The following CNOT1 variants were observed in gnomAD, a reference collection of about 807,000 sequenced individuals.
CNOT1 encodes the protein CCR4-NOT transcription complex subunit 1.
In CNOT1, 15 loss-of-function variants were observed where a neutral mutation model predicts 273.8. The ratio of observed to expected loss-of-function variants is 0.05; its 90% CI spans 0.04 to 0.08. The LOEUF (loss-of-function observed/expected upper bound fraction) is 0.08, where lower values mean the gene tolerates loss of function less well. Among genes scored for constraint, CNOT1 ranks in the 10% least tolerant of loss-of-function variants. The probability of loss-of-function intolerance (pLI) is 1.00; values close to 1 mark genes in which losing one functional copy is unlikely to be tolerated. For synonymous variants in CNOT1, 1,022 were observed against 1,005.5 expected (o/e 1.02, Z -0.31); for missense variants, 1,644 against 2,912.2 (o/e 0.56, Z 10.02).
In CNOT1 at chr16:58,545,483, T is replaced by G. The variant is rs185370562; in HGVS notation, c.4015A>C (p.Thr1339Pro). 6.2e-7 allele frequency: 1 copy of G among 1,613,878 alleles called. No homozygotes were observed. Among genetic ancestry groups the G allele is most frequent in the South Asian group, 1.1e-5 (1 of 91,026 alleles). ...CAAGTGGTGTTGGTAGCTGGTGTAG[T>G]AGAAGTTGCTAAATGTCAAGTAATA... Reference protein sequence around the residue: ...LPPITTTTTSTTPATNTTCTA... With the variant: ...LPPITTTTTSPTPATNTTCTA... Residue 1339 changes from threonine to proline, a missense_variant, in exon 30 of 49, where the codon ACT (threonine) becomes CCT (proline). By Grantham distance (38) the Thr-to-Pro change is conservative. Around this residue, in one of 13 missense-constraint regions of CNOT1, gnomAD observed 52 missense variants for 50.2 expected, o/e 1.04. Transcript: ENST00000317147.
Position 58,532,350 on chromosome 16 carries a change from GAAC to G in CNOT1, c.5938_5940del (p.Val1980del). On this transcript the variant is annotated inframe_deletion, in exon 41 of 49. Transcript: ENST00000317147. ...GGAAGTTGCTGAAATTCACTCTGAC[GAAC>G]ATCATGATCCTGAAGGAGAACTCCC... 1 of 1,614,094 alleles carries G rather than the reference GAAC, an allele frequency of 6.2e-7. No homozygotes were observed. The highest frequency in any genetic ancestry group is 8.5e-7 in the Non-Finnish European group (1 of 1,180,030).
chr16:58,547,254 C>G lies in CNOT1; in HGVS notation c.3682G>C (p.Gly1228Arg). 1 of 1,613,840 alleles carries G rather than the reference C, an allele frequency of 6.2e-7. No homozygotes were observed. The highest frequency in any genetic ancestry group is 8.5e-7 in the Non-Finnish European group (1 of 1,179,848). ...KSLLLEAYVK[G>R]QQELLYVVPF... is the part of the protein sequence containing the mutation. ...ACTACATAGAGCAATTCTTGTTGTC[C>G]TTTAACATAAGCCTCTAGCAGCAAT... Residue 1228 changes from glycine (G) to arginine (R), a missense_variant, in exon 27 of 49, where the codon GGA becomes CGA. Around this residue, in one of 13 missense-constraint regions of CNOT1, gnomAD observed 124 missense variants for 289.3 expected, o/e 0.43. Coordinates refer to ENST00000317147, the MANE Select transcript of CNOT1 (RefSeq NM_016284.5). This position sits in a 1 kb window ranked among gnomAD's most constrained non-coding sequence, Gnocchi z 4.0.
chr16:58,578,682 AC>A lies in CNOT1; in HGVS notation c.1584+16del. 2 of 1,610,866 alleles carry A rather than the reference AC, an allele frequency of 1.2e-6. No individual in the cohort carries two copies. The highest frequency in any genetic ancestry group is 1.7e-6 in the Non-Finnish European group (2 of 1,177,392). On this transcript the variant is annotated intron_variant, in intron 13 of 48. Coordinates refer to ENST00000317147, the MANE Select transcript of CNOT1 (RefSeq NM_016284.5). ...TTATTCAGATGAAAAAATGGTAAGC[AC>A]ACGGTCACATCTTACCTGCCCATGC...
chr16:58,578,555 A>G, intron 13 of CNOT1, 144 bp downstream of exon 13: 1 of 1,353,826 alleles, frequency 7.4e-7, no homozygotes. Flanking sequence ...CTAAAAGATA[A>G]AACAAGTTTT....
intron 21 of CNOT1, among the ~76,000 whole-genome samples, chr16:58,554,084 C>T (rs1033250178): frequency 6.6e-6 from 1 of 151,914 alleles, no homozygotes; most frequent in African/African-American, 2.4e-5. Flanking sequence ...TTTTTAAAGG[C>T]TATATTTTAC....
intron 1 of CNOT1, among the ~76,000 whole-genome samples, chr16:58,621,242 C>T (rs569716086): frequency 7.9e-5 from 12 of 151,960 alleles, no homozygotes; most frequent in Non-Finnish European, 1.0e-4. Flanking sequence ...GGATTGCAGG[C>T]GTGAGCCACT....
In CNOT1 at chr16:58,581,473, G is replaced by A. The variant is rs2041655310; in HGVS notation, c.1087C>T (p.His363Tyr). 6.2e-7 allele frequency: 1 copy of A among 1,613,172 alleles called. No homozygotes were observed. The highest frequency in any genetic ancestry group is 1.3e-5 in the African/African-American group (1 of 74,844). ...NFKEVTYELD[H>Y]PGFQIRDSKG... Reference sequence around the variant, plus strand: ...CTGTCACGAATTTGAAATCCAGGATGGTCCAGTTCATAAGTTACTTCCTTG... The same window carrying A: ...CTGTCACGAATTTGAAATCCAGGATAGTCCAGTTCATAAGTTACTTCCTTG... The change falls in exon 11 of 49, where the codon CAT (histidine) becomes TAT (tyrosine). Residue 363 changes from histidine (H) to tyrosine (Y), a missense_variant. Physicochemically the swap from His to Tyr is moderately conservative, Grantham distance 83 (BLOSUM62 2). Around this residue, in one of 13 missense-constraint regions of CNOT1, gnomAD observed 706 missense variants for 1,021.2 expected, o/e 0.69. Coordinates refer to ENST00000317147, the MANE Select transcript of CNOT1 (RefSeq NM_016284.5).
rs1410449970 is a variant in CNOT1, at chr16:58,558,517, G to A, written c.2288C>T (p.Thr763Ile). The change falls in exon 18 of 49, where the codon ACC becomes ATC. Residue 763 changes from threonine (T) to isoleucine (I), a missense_variant. Transcript: ENST00000317147. ...TCCTCCAATACCACTGAATGCAGTG[G>A]TCTGATTGGGGGTTGAAAGGGGTGG... The part of the protein sequence containing the change: ...AFPPLSTPNQ[T>I]TAFSGIGGLS... 2.5e-6 allele frequency: 4 copies of A among 1,613,804 alleles called. No homozygotes were observed. The Admixed American group carries it at 5.0e-5, about 20-fold the overall frequency.
chr16:58,600,065 G>C (rs1014388694), intron 1 of CNOT1, among the ~76,000 whole-genome samples: 40 of 151,664 alleles, frequency 2.6e-4, no homozygotes, highest in African/African-American at 9.0e-4. Context: ...CTCCAACTTG[G>C]GGGAAAAAAA....
intron 16 of CNOT1, among the ~76,000 whole-genome samples, chr16:58,568,111 G>A (rs759009264): frequency 6.6e-6 from 1 of 152,188 alleles, no homozygotes; most frequent in African/African-American, 2.4e-5. Context: ...GGTGGCTCAC[G>A]CCTGTAATCT....
At chr16:58,627,732 G>A (rs186420265) in intron 1 of CNOT1, among the ~76,000 whole-genome samples, 132 of 152,178 alleles carry the variant, frequency 8.7e-4, no homozygotes, top group African/African-American at 2.9e-3. Context: ...CTTTTCCACC[G>A]TAATGCCACA....
In CNOT1 at chr16:58,539,916, C is replaced by T. The variant is rs2060029090; in HGVS notation, c.4844G>A (p.Cys1615Tyr). Residue 1615 changes from cysteine (C) to tyrosine (Y), a missense_variant, in exon 35 of 49, where the codon TGT becomes TAT. Around this residue, in one of 13 missense-constraint regions of CNOT1, gnomAD observed 170 missense variants for 273.1 expected, o/e 0.62. Coordinates refer to ENST00000317147, the MANE Select transcript of CNOT1 (RefSeq NM_016284.5). ...TDDVAQIYDKCITELEQHLHA... is the reference protein window; with the variant it reads ...TDDVAQIYDKYITELEQHLHA... ...TAGATGTTGCTCCAGTTCTGTAATACACTTATCATAAATCTGAGCTACATC... is the reference window on the plus strand; with the variant it reads ...TAGATGTTGCTCCAGTTCTGTAATATACTTATCATAAATCTGAGCTACATC... 6.2e-7 allele frequency: 1 copy of T among 1,613,762 alleles called. No homozygotes were observed. The highest frequency in any genetic ancestry group is 8.5e-7 in the Non-Finnish European group (1 of 1,179,938).
chr16:58,526,209 G>A, intron 44 of CNOT1, 71 bp from the exon 45 acceptor site: 1 of 1,547,422 alleles, frequency 6.5e-7, no homozygotes, highest in Non-Finnish European at 8.9e-7. Context: ...ATGCTTAAGT[G>A]GTGGGACTGT....
At chr16:58,625,374 T>C (rs1258474546) in intron 1 of CNOT1, among the ~76,000 whole-genome samples, 1 of 152,126 alleles carries the variant, frequency 6.6e-6, no homozygotes, top group Non-Finnish European at 1.5e-5. Context: ...TAGCCGGGCA[T>C]GGCGGCGTGC....
chr16:58,614,474 C>A (rs1278620568), intron 1 of CNOT1, among the ~76,000 whole-genome samples: 1 of 125,424 alleles, frequency 8.0e-6, no homozygotes, highest in African/African-American at 2.7e-5. Flanking sequence ...CCTACAGGAA[C>A]AGGCCCCACC....
At chr16:58,552,792 T>C (rs1000510026) in intron 22 of CNOT1, among the ~76,000 whole-genome samples, 3 of 152,146 alleles carry the variant, frequency 2.0e-5, no homozygotes, top group African/African-American at 7.2e-5. Context: ...ATTAACCAAC[T>C]TTCCTGTTCT....
At chr16:58,591,931 C>CT (rs1315857359) in intron 2 of CNOT1, among the ~76,000 whole-genome samples, 2 of 151,846 alleles carry the variant, frequency 1.3e-5, no homozygotes, top group Non-Finnish European at 2.9e-5. Flanking sequence ...ACATCATAGA[C>CT]TTATTTGCTA....
At chr16:58,533,963 A>G (rs1263897760) in intron 40 of CNOT1, among the ~76,000 whole-genome samples, 184 bp downstream of exon 40, 1 of 151,696 alleles carries the variant, frequency 6.6e-6, no homozygotes, top group African/African-American at 2.4e-5. Flanking sequence ...GACTCTACTA[A>G]AAATAGAAAA....
chr16:58,627,870 C>T (rs1363151918), intron 1 of CNOT1, among the ~76,000 whole-genome samples: 2 of 152,318 alleles, frequency 1.3e-5, no homozygotes, highest in African/African-American at 2.4e-5. Flanking sequence ...CCCCGTCCCC[C>T]AGGCTGGAGT....
Sources: allele counts gnomAD v4.1 joint callset (sites outside exome capture counted in the v4.1 genomes callset), GRCh38; gene constraint gnomAD v4.1.1; regional missense constraint gnomAD v4.1.1; non-coding constraint Gnocchi (gnomAD v3.1); transcripts MANE v1.5; gene names NCBI Gene and HGNC (gene_info 2026-07-23, HGNC 2026-07-21).